STX18: variants seen among roughly 807,000 people sequenced by gnomAD.
STX18 encodes the protein syntaxin 18.
Under a neutral mutation model 50.1 loss-of-function variants are expected in STX18, and 40 were observed. The observed-to-expected ratio is 0.80, with a 90% confidence interval of 0.62 to 1.04. The LOEUF (loss-of-function observed/expected upper bound fraction) is 1.04. Ranked by LOEUF, STX18 falls within the 50% of genes least tolerant of loss-of-function variation. The pLI is 0.00. For synonymous variants in STX18, 158 were observed against 151.8 expected, an observed-to-expected ratio of 1.04 and a Z score of -0.30; for missense variants, 410 against 415.8, an observed-to-expected ratio of 0.99 and a Z score of 0.12.
chr4:4,492,937 A>T (rs1020135213), intron 1 of STX18, among the ~76,000 whole-genome samples: 1 of 152,234 alleles, frequency 6.6e-6, no homozygotes, highest in African/African-American at 2.4e-5. Flanking sequence ...TTTAACTTAC[A>T]TGAGATTTAA....
At chr4:4,496,985 C>T (rs1323540576) in intron 1 of STX18, among the ~76,000 whole-genome samples, 1 of 152,210 alleles carries the variant, frequency 6.6e-6, no homozygotes, top group Non-Finnish European at 1.5e-5. Flanking sequence ...AGTGCCTAGA[C>T]AATGTCAGGG....
intron 1 of STX18, among the ~76,000 whole-genome samples, chr4:4,527,867 C>CACATATATATATATAT (rs372566368): frequency 7.6e-4 from 104 of 137,198 alleles, no homozygotes; most frequent in African/African-American, 2.6e-3. Flanking sequence ...CACACACACA[C>CACATATATATATATAT]ATATATATAT....
At chr4:4,459,130 G>C (rs1341140954) in intron 3 of STX18, among the ~76,000 whole-genome samples, 3 of 150,760 alleles carry the variant, frequency 2.0e-5, no homozygotes, top group African/African-American at 7.4e-5. Flanking sequence ...ATATATTTTT[G>C]GTTCTGTTTG....
intron 2 of STX18, chr4:4,461,844 C>G (rs1727393587): frequency 2.2e-6 from 1 of 456,008 alleles, no homozygotes; most frequent in Admixed American, 2.4e-5. Context: ...CTCTGGCCCC[C>G]TCGCAGAAAG....
chr4:4,537,474 A>G (rs1731396625), intron 1 of STX18, among the ~76,000 whole-genome samples: 1 of 152,156 alleles, frequency 6.6e-6, no homozygotes, highest in Non-Finnish European at 1.5e-5. Flanking sequence ...TTAAAGAAAC[A>G]TTCCTCTGGC....
chr4:4,423,770 CCT>C (rs1577308015), intron 8 of STX18, 183 bp from the exon 9 acceptor site: 1 of 623,230 alleles, frequency 1.6e-6, no homozygotes, highest in Non-Finnish European at 2.8e-6. Flanking sequence ...GGTCACCTTC[CCT>C]GTCTTCTGGC....
At chr4:4,516,197 T>C (rs933823392) in intron 1 of STX18, among the ~76,000 whole-genome samples, 1 of 152,220 alleles carries the variant, frequency 6.6e-6, no homozygotes, top group Non-Finnish European at 1.5e-5. Context: ...ATGGGCTCTG[T>C]ACATTTCAGG....
intron 2 of STX18, among the ~76,000 whole-genome samples, chr4:4,471,081 T>C (rs1727888619): frequency 6.6e-6 from 1 of 151,876 alleles, no homozygotes; most frequent in Non-Finnish European, 1.5e-5. Context: ...CCAAAGTGGG[T>C]GTGTAGCTGC....
Position 4,527,900 on chromosome 4 carries a change from A to G in STX18, c.168+13897T>C, listed in dbSNP as rs541052138. 9.3e-5 allele frequency among the ~76,000 whole-genome samples: 14 copies of G among 150,338 alleles called. No homozygotes were observed. The South Asian group carries it at 2.5e-3, about 27-fold the overall frequency. The stretch of plus-strand genomic sequence containing the variant: ...TATATATTAAAAACTACCTTAAATT[A>G]AAAGGCAGTGATGATTTGGCCCAAG... On this transcript the variant is annotated intron_variant, in intron 1 of 10. Transcript: ENST00000306200.
At chr4:4,532,848 CAAGA>C (rs199806952) in intron 1 of STX18, among the ~76,000 whole-genome samples, 3,827 of 152,236 alleles carry the variant, frequency 0.025, 70 homozygotes, top group Non-Finnish European at 0.04. Context: ...AGAAAATGTC[CAAGA>C]AAAGGCAAGT....
chr4:4,531,286 G>T (rs948501602), intron 1 of STX18, among the ~76,000 whole-genome samples: 2 of 152,154 alleles, frequency 1.3e-5, no homozygotes, highest in Admixed American at 1.3e-4. Flanking sequence ...AATAATTGCT[G>T]TGTTGACAAC....
intron 1 of STX18, among the ~76,000 whole-genome samples, chr4:4,491,220 C>T (rs1728927297): frequency 6.6e-6 from 1 of 151,872 alleles, no homozygotes; most frequent in African/African-American, 2.4e-5. Flanking sequence ...TTTTAAACTA[C>T]GAGCACGTCT....
intron 6 of STX18, chr4:4,437,732 A>G: frequency 2.0e-6 from 1 of 510,610 alleles, no homozygotes; most frequent in Non-Finnish European, 2.5e-6. Context: ...CACACAAAGA[A>G]CCCTGCTCCA....
At chr4:4,438,080 C>T (rs1045866700) in intron 6 of STX18, among the ~76,000 whole-genome samples, 1 of 152,202 alleles carries the variant, frequency 6.6e-6, no homozygotes, top group African/African-American at 2.4e-5. Context: ...GCCAGGGAGG[C>T]AATGCTGCCT....
At chr4:4,436,417 C>G (rs559879885) in intron 6 of STX18, among the ~76,000 whole-genome samples, 5 of 151,942 alleles carry the variant, frequency 3.3e-5, no homozygotes, top group Non-Finnish European at 5.9e-5. Flanking sequence ...CCACCCCCAC[C>G]TTATGAGCTG....
At chr4:4,483,801 G>A (rs1728569147) in intron 1 of STX18, among the ~76,000 whole-genome samples, 1 of 152,140 alleles carries the variant, frequency 6.6e-6, no homozygotes, top group Admixed American at 6.5e-5. Context: ...CAGCTACTGT[G>A]ATCTACTCCA....
chr4:4,444,163 G>A (rs1460915611), intron 5 of STX18, among the ~76,000 whole-genome samples: 1 of 152,200 alleles, frequency 6.6e-6, no homozygotes, highest in Non-Finnish European at 1.5e-5. Flanking sequence ...CGGGAGGGTG[G>A]CTAAGTGAAG....
chr4:4,453,354 C>T (rs1180680704), intron 5 of STX18, among the ~76,000 whole-genome samples: 1 of 152,148 alleles, frequency 6.6e-6, no homozygotes, highest in Admixed American at 6.5e-5. Context: ...TTCAGCAACC[C>T]CCACCCTCAA....
intron 1 of STX18, among the ~76,000 whole-genome samples, chr4:4,538,807 T>A (rs1328335256): frequency 6.6e-6 from 1 of 152,150 alleles, no homozygotes; most frequent in Non-Finnish European, 1.5e-5. Flanking sequence ...AATCCCATCA[T>A]CCTCACTAGT....
Sources: gnomAD v4.1 joint callset for allele counts (sites outside exome capture counted in the v4.1 genomes callset) on GRCh38, gnomAD v4.1.1 for gene constraint, MANE v1.5 for transcripts, NCBI Gene and HGNC (gene_info 2026-07-23, HGNC 2026-07-21) for gene names.